The following SEMA3A variants were observed in gnomAD, a reference collection of about 807,000 sequenced individuals.
SEMA3A encodes the protein semaphorin 3A.
Under a neutral mutation model 97.9 loss-of-function variants are expected in SEMA3A, and 29 were observed. The observed-to-expected ratio is 0.30, with a 90% confidence interval of 0.22 to 0.40. The LOEUF (loss-of-function observed/expected upper bound fraction) is 0.40. Ranked by LOEUF, SEMA3A falls within the 10% of genes least tolerant of loss-of-function variation. The pLI, the probability that SEMA3A is intolerant of heterozygous loss-of-function variation, is 1.00. For synonymous variants in SEMA3A, 321 were observed against 323.7 expected (o/e 0.99, Z 0.09); for missense variants, 763 against 951.3 (o/e 0.80, Z 2.60).
At chr7:84,158,279 T>C (rs1411044189) in intron 1 of SEMA3A, among the ~76,000 whole-genome samples, 1 of 148,846 alleles carries the variant, frequency 6.7e-6, no homozygotes, top group Admixed American at 6.9e-5. Context: ...CTCAGCCTCC[T>C]GAGTATCTGT....
intron 4 of SEMA3A, among the ~76,000 whole-genome samples, chr7:84,097,026 T>G (rs1482037916): frequency 6.6e-6 from 1 of 152,128 alleles, no homozygotes; most frequent in Non-Finnish European, 1.5e-5. Context: ...AGAATACGGA[T>G]TCTTAAGGGC....
chr7:84,002,074 C>CAA, intron 11 of SEMA3A, 28 bp from the exon 12 acceptor site: 1 of 1,302,224 alleles, frequency 7.7e-7, no homozygotes, highest in Non-Finnish European at 1.1e-6. Context: ...GAGAAGACCA[C>CAA]AAGTTAAGTA....
chr7:84,063,231 A>T (rs1008633682), intron 4 of SEMA3A, among the ~76,000 whole-genome samples: 1 of 151,082 alleles, frequency 6.6e-6, no homozygotes, highest in African/African-American at 2.4e-5. Context: ...AGGAAAACTA[A>T]CAAACAGAAA....
chr7:83,981,450 C>T lies in SEMA3A; in HGVS notation c.1523G>A (p.Gly508Glu), dbSNP rs751075384. 4.3e-6 allele frequency: 7 copies of T among 1,612,448 alleles called. No individual in the cohort carries two copies. The highest frequency in any genetic ancestry group is 5.9e-6 in the Non-Finnish European group (7 of 1,179,424). Residue 508 changes from glycine (G) to glutamate (E), a missense_variant, in exon 14 of 17, where the codon GGG becomes GAG. This residue lies in a region of SEMA3A where 678 missense variants were observed against 881.3 expected (regional missense o/e 0.77). Transcript: ENST00000265362. The part of the protein sequence containing the change: ...QQQLYIGSTA[G>E]VAQLPLHRCD... The stretch of plus-strand genomic sequence containing the variant: ...CCGGTGTAAAGGGAGCTGGGCAACC[C>T]CAGCCGTTGAACCAATATATAGTTG...
At chr7:83,991,337 C>T (rs1172634481) in intron 12 of SEMA3A, among the ~76,000 whole-genome samples, 1 of 151,812 alleles carries the variant, frequency 6.6e-6, no homozygotes, top group Non-Finnish European at 1.5e-5. Flanking sequence ...ATTGCCCTGG[C>T]CAGAACTTCC....
chr7:84,334,355 T>G (rs571939790), intron 2 of SEMA3A, among the ~76,000 whole-genome samples: 1 of 152,296 alleles, frequency 6.6e-6, no homozygotes, highest in South Asian at 2.1e-4. Flanking sequence ...ATTTACCTCA[T>G]GAATTTCAAT....
intron 1 of SEMA3A, among the ~76,000 whole-genome samples, chr7:84,140,952 G>T (rs1412485554): frequency 2.6e-5 from 4 of 152,104 alleles, no homozygotes; most frequent in Non-Finnish European, 5.9e-5. Context: ...AATCTTCAGA[G>T]ATAAATAAAT....
intron 1 of SEMA3A, among the ~76,000 whole-genome samples, chr7:84,490,646 C>G (rs1806700467): frequency 6.6e-6 from 1 of 152,072 alleles, no homozygotes; most frequent in Admixed American, 6.6e-5. Flanking sequence ...AAAGCAACCA[C>G]AATGCATTAA....
chr7:84,436,923 CT>C (rs777679505), intron 1 of SEMA3A, among the ~76,000 whole-genome samples: 1 of 151,992 alleles, frequency 6.6e-6, no homozygotes. Context: ...TGAAAAATTA[CT>C]TTTTTCGTGA....
intron 6 of SEMA3A, among the ~76,000 whole-genome samples, chr7:84,025,724 A>T (rs1460649186): frequency 6.6e-6 from 1 of 152,196 alleles, no homozygotes; most frequent in Non-Finnish European, 1.5e-5. Context: ...GCAAGTGAAA[A>T]TAATAGATAC....
At chr7:84,033,269 T>C (rs544489521) in intron 6 of SEMA3A, among the ~76,000 whole-genome samples, 82 of 152,320 alleles carry the variant, frequency 5.4e-4, no homozygotes, top group African/African-American at 1.7e-3. Flanking sequence ...TATGTAGTTA[T>C]GGAAAATTTT....
chr7:84,429,462 T>A (rs1373070162), intron 1 of SEMA3A, among the ~76,000 whole-genome samples: 3 of 145,632 alleles, frequency 2.1e-5, no homozygotes, highest in African/African-American at 5.1e-5. Flanking sequence ...CTATGCAATA[T>A]ATTATGTAAC....
Position 84,211,920 on chromosome 7 carries a change from G to A in SEMA3A, c.-82-17252C>T, listed in dbSNP as rs1798637896. Among the ~76,000 whole-genome samples, 4 of 152,166 alleles carry A rather than the reference G, an allele frequency of 2.6e-5. No individual in the cohort carries two copies. The South Asian group carries it at 8.3e-4, about 32-fold the overall frequency. ...GAACTCTGCATTGTGGTGAGGAACA[G>A]GTAAAAGAGTATAACTTTAGCTAGA... On this transcript the variant is annotated intron_variant, in intron 3 of 3. Transcript: ENST00000424555.
intron 1 of SEMA3A, among the ~76,000 whole-genome samples, chr7:84,458,042 T>C (rs1476173819): frequency 6.6e-6 from 1 of 152,036 alleles, no homozygotes; most frequent in Non-Finnish European, 1.5e-5. Context: ...AAGTCTTAGG[T>C]AAGACTTTAT....
At chr7:84,453,258 G>C (rs1368347761) in intron 1 of SEMA3A, among the ~76,000 whole-genome samples, 1 of 141,214 alleles carries the variant, frequency 7.1e-6, no homozygotes, top group Non-Finnish European at 1.5e-5. Flanking sequence ...TTTTTTTTGA[G>C]ACGGAGTCTC....
chr7:84,299,353 T>TCC (rs1310167087), intron 3 of SEMA3A, among the ~76,000 whole-genome samples: 8 of 139,980 alleles, frequency 5.7e-5, no homozygotes, highest in African/African-American at 1.7e-4. Flanking sequence ...TCTCTCTCTC[T>TCC]CTCTCTCTCT....
At chr7:84,394,771 C>T (rs1240503670) in intron 1 of SEMA3A, among the ~76,000 whole-genome samples, 2 of 152,048 alleles carry the variant, frequency 1.3e-5, no homozygotes, top group Non-Finnish European at 2.9e-5. Flanking sequence ...GTAGAAAAAA[C>T]TGAAATGGAT....
chr7:84,381,676 G>A (rs1241879205), intron 1 of SEMA3A, among the ~76,000 whole-genome samples: 1 of 152,074 alleles, frequency 6.6e-6, no homozygotes, highest in African/African-American at 2.4e-5. Context: ...TATATGCTAT[G>A]GTATGTAAAG....
At chr7:84,241,153 T>G (rs1449376574) in intron 3 of SEMA3A, among the ~76,000 whole-genome samples, 1 of 152,220 alleles carries the variant, frequency 6.6e-6, no homozygotes, top group African/African-American at 2.4e-5. Flanking sequence ...ATGGTATTTC[T>G]GGTTCTACAT....
Sources: allele counts gnomAD v4.1 joint callset (sites outside exome capture counted in the v4.1 genomes callset), GRCh38; gene constraint gnomAD v4.1.1; regional missense constraint gnomAD v4.1.1; transcripts MANE v1.5; gene names NCBI Gene and HGNC (gene_info 2026-07-23, HGNC 2026-07-21).